Variants in SAMD12 observed in about 807,000 individuals in gnomAD.
SAMD12 encodes the protein sterile alpha motif domain containing 12.
Under a neutral mutation model 15.0 loss-of-function variants are expected in SAMD12, and 9 were observed. That is an observed-to-expected ratio of 0.60 (90% CI 0.36 to 1.05). SAMD12 has a LOEUF of 1.05. SAMD12 is among the 50% of genes least tolerant of loss of function. SAMD12 has a pLI of 0.01. For synonymous variants in SAMD12, 86 were observed against 90.1 expected, an observed-to-expected ratio of 0.96 and a Z score of 0.25; for missense variants, 230 against 234.2, an observed-to-expected ratio of 0.98 and a Z score of 0.12.
At chr8:118,556,133 T>C (rs1826523230) in intron 2 of SAMD12, among the ~76,000 whole-genome samples, 1 of 152,250 alleles carries the variant, frequency 6.6e-6, no homozygotes, top group Non-Finnish European at 1.5e-5. Flanking sequence ...CTCACTCTTA[T>C]GCCTCACCTG....
the SAMD12 span, among the ~76,000 whole-genome samples, chr8:118,174,515 C>A: frequency 6.6e-6 from 1 of 152,074 alleles, no homozygotes; most frequent in Non-Finnish European, 1.5e-5. Flanking sequence ...TTGTTTGGGT[C>A]TAGGTGCTTG....
chr8:118,203,905 A>T (rs1269901387), intron 4 of SAMD12, among the ~76,000 whole-genome samples: 3 of 147,852 alleles, frequency 2.0e-5, no homozygotes, highest in African/African-American at 7.5e-5. Flanking sequence ...TTCAAAGGAC[A>T]TGAACTCATC....
intron 3 of SAMD12, among the ~76,000 whole-genome samples, chr8:118,409,719 A>G (rs937316674): frequency 8.5e-5 from 11 of 129,798 alleles, no homozygotes; most frequent in African/African-American, 3.3e-4. Context: ...ACCTGGCTAA[A>G]TGGCTTATAA....
intron 2 of SAMD12, among the ~76,000 whole-genome samples, chr8:118,566,457 C>G (rs539960004): frequency 3.2e-4 from 49 of 152,154 alleles, no homozygotes; most frequent in Non-Finnish European, 5.9e-4. Flanking sequence ...AACAGAAACC[C>G]CGTGAAGGTA....
intron 3 of SAMD12, among the ~76,000 whole-genome samples, chr8:118,388,008 A>T (rs894320376): frequency 1.3e-5 from 2 of 152,190 alleles, no homozygotes; most frequent in African/African-American, 4.8e-5. Flanking sequence ...TAAATAAGAT[A>T]ATTTCCCTGC....
At chr8:118,400,220 G>A (rs143405982) in intron 3 of SAMD12, 6 of 152,270 alleles carry the variant, frequency 3.9e-5, no homozygotes, top group South Asian at 2.1e-4. Flanking sequence ...TGCTCGACAC[G>A]AATTATCCCA....
chr8:118,266,596 G>T (rs1813204649), intron 4 of SAMD12, among the ~76,000 whole-genome samples: 1 of 152,082 alleles, frequency 6.6e-6, no homozygotes, highest in African/African-American at 2.4e-5. Context: ...CCAAGTGTTG[G>T]TCAGTGAGGA....
At chr8:118,264,883 G>T (rs1389278387) in intron 4 of SAMD12, among the ~76,000 whole-genome samples, 1 of 152,126 alleles carries the variant, frequency 6.6e-6, no homozygotes, top group Non-Finnish European at 1.5e-5. Context: ...ACCTTCTCAA[G>T]ACTTCTATCT....
At chr8:118,497,724 G>T (rs1219065197) in intron 2 of SAMD12, among the ~76,000 whole-genome samples, 2 of 39,782 alleles carry the variant, frequency 5.0e-5, no homozygotes, top group Admixed American at 1.9e-4. Flanking sequence ...CTTAAGTTGC[G>T]GGGGGGGGTG....
At chr8:118,482,036 A>AGCAG (rs1824140990) in intron 2 of SAMD12, among the ~76,000 whole-genome samples, 1 of 152,250 alleles carries the variant, frequency 6.6e-6, no homozygotes, top group African/African-American at 2.4e-5. Flanking sequence ...TTAATGGAAG[A>AGCAG]GCAGGGATTC....
chr8:118,550,899 C>T (rs1357417181), intron 2 of SAMD12, among the ~76,000 whole-genome samples: 3 of 149,934 alleles, frequency 2.0e-5, no homozygotes, highest in African/African-American at 7.4e-5. Context: ...ATAAAACAGA[C>T]TTTAAACCAA....
At chr8:118,254,800 C>A (rs1287361751) in intron 4 of SAMD12, among the ~76,000 whole-genome samples, 2 of 152,014 alleles carry the variant, frequency 1.3e-5, no homozygotes. Flanking sequence ...TCTCTGGGCC[C>A]TCTCATGCTC....
chr8:118,159,455 C>G, the SAMD12 span, among the ~76,000 whole-genome samples: 1 of 152,142 alleles, frequency 6.6e-6, no homozygotes, highest in African/African-American at 2.4e-5. Context: ...AACATGGGAT[C>G]AGGGCTGGTA....
At chr8:118,575,399 TC>T (rs1204779305) in intron 2 of SAMD12, among the ~76,000 whole-genome samples, 1 of 152,204 alleles carries the variant, frequency 6.6e-6, no homozygotes, top group Non-Finnish European at 1.5e-5. Flanking sequence ...TTTAACCTCT[TC>T]TTTTGCCTAG....
At chr8:118,312,012 T>C (rs1467057104) in intron 4 of SAMD12, among the ~76,000 whole-genome samples, 5 of 152,190 alleles carry the variant, frequency 3.3e-5, no homozygotes, top group Admixed American at 6.5e-5. Flanking sequence ...TCTTCTCATA[T>C]TTGGGCTTGA....
chr8:118,425,008 G>A (rs1166102475), intron 3 of SAMD12, among the ~76,000 whole-genome samples: 2 of 150,620 alleles, frequency 1.3e-5, no homozygotes, highest in Admixed American at 6.6e-5. Flanking sequence ...GTGGGATCTC[G>A]GCTCATTGCA....
intron 2 of SAMD12, among the ~76,000 whole-genome samples, chr8:118,456,296 A>G (rs991230638): frequency 2.0e-5 from 3 of 152,166 alleles, no homozygotes; most frequent in African/African-American, 7.2e-5. Flanking sequence ...CTCAACTTAA[A>G]CATCATTTCT....
At chr8:118,170,530 C>T in the SAMD12 span, among the ~76,000 whole-genome samples, 1 of 152,160 alleles carries the variant, frequency 6.6e-6, no homozygotes, top group Non-Finnish European at 1.5e-5. Context: ...CCAACTCCTG[C>T]ATCTATGATT....
At chr8:118,136,317 A>C in the SAMD12 span, among the ~76,000 whole-genome samples, 1 of 152,242 alleles carries the variant, frequency 6.6e-6, no homozygotes, top group Non-Finnish European at 1.5e-5. Context: ...GGCATGAGCC[A>C]CCATGCCTGG....
Sources: allele counts gnomAD v4.1 joint callset (sites outside exome capture counted in the v4.1 genomes callset), GRCh38; gene constraint gnomAD v4.1.1; transcripts MANE v1.5; gene names NCBI Gene and HGNC (gene_info 2026-07-23, HGNC 2026-07-21).